COL14A1: variants seen among roughly 807,000 people sequenced by gnomAD.
The protein encoded by COL14A1 is collagen type XIV alpha 1 chain.
A neutral mutation model predicts 230.3 loss-of-function variants in COL14A1; 136 were observed. The observed-to-expected ratio is 0.59, with a 90% CI of 0.51 to 0.68. The LOEUF is 0.68. Ranked by LOEUF, COL14A1 falls within the 30% of genes least tolerant of loss-of-function variation. The pLI is 0.00. For missense variants in COL14A1, 1,976 were observed against 2,215.8 expected, an observed-to-expected ratio of 0.89 and a Z score of 2.17; for synonymous variants, 792 against 784.1, an observed-to-expected ratio of 1.01 and a Z score of -0.17.
At chr8:120,193,307 T>A (rs537611813) in intron 5 of COL14A1, among the ~76,000 whole-genome samples, 5 of 152,186 alleles carry the variant, frequency 3.3e-5, no homozygotes, top group Non-Finnish European at 7.3e-5. Flanking sequence ...TTGCTAGAGG[T>A]CCACTCCAGA....
In COL14A1 at chr8:120,196,950, T is replaced by A. The variant is rs1367982233; in HGVS notation, c.592+4T>A. ...GGCTCAGAGAAGACACGAATTGGTA[T>A]AATTTCTATTATTAGCAGTAGCAGT... On this transcript the variant is annotated splice_donor_region_variant and intron_variant, in intron 6 of 47. Transcript: ENST00000297848. 1.2e-6 allele frequency: 2 copies of A among 1,613,250 alleles called. No homozygotes were observed. Among genetic ancestry groups the A allele is most frequent in the Non-Finnish European group, 1.7e-6 (2 of 1,179,700 alleles).
chr8:120,248,630 G>A (rs111953360), intron 21 of COL14A1, among the ~76,000 whole-genome samples: 20,868 of 152,150 alleles, frequency 0.14, 1,652 homozygotes, highest in Non-Finnish European at 0.18. Context: ...GCTGAGGAGG[G>A]TGGATTGCTT....
intron 23 of COL14A1, among the ~76,000 whole-genome samples, chr8:120,261,866 T>G (rs1259583237): frequency 6.6e-6 from 1 of 152,168 alleles, no homozygotes; most frequent in Non-Finnish European, 1.5e-5. Flanking sequence ...TGGGAATGTC[T>G]TTTGCAATTG....
At chr8:120,125,976 G>A (rs1316394286) in intron 1 of COL14A1, among the ~76,000 whole-genome samples, 3 of 152,190 alleles carry the variant, frequency 2.0e-5, no homozygotes, top group Non-Finnish European at 4.4e-5. Context: ...TCTCTGCGCC[G>A]GGAGGCTGGG....
intron 4 of COL14A1, among the ~76,000 whole-genome samples, chr8:120,163,282 A>G (rs929907173): frequency 2.0e-5 from 3 of 152,190 alleles, no homozygotes; most frequent in Non-Finnish European, 4.4e-5. Context: ...CTGCCCGAGT[A>G]ATGGGCTGTG....
At chr8:120,345,607 T>G in intron 45 of COL14A1, 44 bp downstream of exon 45, 1 of 1,449,500 alleles carries the variant, frequency 6.9e-7, no homozygotes, top group Non-Finnish European at 9.1e-7. Context: ...CTGAGTTGGG[T>G]GCAGGGAAGC....
intron 4 of COL14A1, among the ~76,000 whole-genome samples, chr8:120,166,867 A>G (rs2130569343): frequency 7.7e-6 from 1 of 130,416 alleles, no homozygotes; most frequent in South Asian, 2.7e-4. Context: ...GAGAAAGAAA[A>G]GAATTTAAGT....
chr8:120,283,682 C>G lies in COL14A1; in HGVS notation c.3871C>G (p.Leu1291Val). 2 of 1,613,772 alleles carry G rather than the reference C, an allele frequency of 1.2e-6. No individual in the cohort carries two copies. The highest frequency in any genetic ancestry group is 1.7e-6 in the Non-Finnish European group (2 of 1,179,872). ...GLPSDYTISF[L>V]FRILPDTPQE... ...GCCCTCCGACTACACAATCAGTTTT[C>G]TATTCCGGATTCTTCCTGACACTCC... Residue 1291 changes from leucine to valine, a missense_variant, in exon 32 of 48, where the codon CTA becomes GTA. By Grantham distance (32) the Leu-to-Val change is conservative (BLOSUM62 1). Around this residue, in one of 3 missense-constraint regions of COL14A1, gnomAD observed 1,791 missense variants for 2,019.5 expected, o/e 0.89. Coordinates refer to ENST00000297848, the MANE Select transcript of COL14A1 (RefSeq NM_021110.4).
At chr8:120,304,536 A>T (rs1820803555) in intron 36 of COL14A1, among the ~76,000 whole-genome samples, 1 of 152,218 alleles carries the variant, frequency 6.6e-6, no homozygotes, top group South Asian at 2.1e-4. Context: ...TCAAAATATT[A>T]GAACTGTTGT....
chr8:120,298,255 C>G (rs1820589127), intron 35 of COL14A1, among the ~76,000 whole-genome samples: 1 of 151,920 alleles, frequency 6.6e-6, no homozygotes, highest in Non-Finnish European at 1.5e-5. Context: ...TTGAGCCTGT[C>G]ATTCACACGA....
At chr8:120,184,517 A>T (rs1454010064) in intron 5 of COL14A1, among the ~76,000 whole-genome samples, 1 of 152,076 alleles carries the variant, frequency 6.6e-6, no homozygotes, top group East Asian at 1.9e-4. Context: ...CGCCTCCCAA[A>T]GTGCTGGGAT....
chr8:120,167,825 T>C (rs984564529), intron 4 of COL14A1, among the ~76,000 whole-genome samples: 3 of 152,324 alleles, frequency 2.0e-5, no homozygotes, highest in African/African-American at 7.2e-5. Context: ...TTTTATGAGA[T>C]AGGTGTTAGC....
intron 34 of COL14A1, among the ~76,000 whole-genome samples, chr8:120,292,683 G>A (rs748106614): frequency 1.3e-5 from 2 of 152,070 alleles, no homozygotes; most frequent in Non-Finnish European, 2.9e-5. Flanking sequence ...TGTATGTTGT[G>A]CAAATTCTGG....
intron 5 of COL14A1, among the ~76,000 whole-genome samples, chr8:120,177,007 A>G (rs1816303978): frequency 6.6e-6 from 1 of 152,266 alleles, no homozygotes; most frequent in East Asian, 1.9e-4. Context: ...GCCACTCTGT[A>G]TATGTCTGTG....
At chr8:120,127,048 AC>A (rs2130360999) in intron 1 of COL14A1, among the ~76,000 whole-genome samples, 1 of 152,230 alleles carries the variant, frequency 6.6e-6, no homozygotes, top group Non-Finnish European at 1.5e-5. Flanking sequence ...ATATTTTAGC[AC>A]CCCAAAAAGA....
intron 37 of COL14A1, among the ~76,000 whole-genome samples, chr8:120,310,796 A>G (rs1170754768): frequency 6.6e-6 from 1 of 152,180 alleles, no homozygotes; most frequent in Non-Finnish European, 1.5e-5. Flanking sequence ...ATGCTGGATC[A>G]TATCATACTT....
intron 1 of COL14A1, among the ~76,000 whole-genome samples, chr8:120,135,194 C>G (rs1639010237): frequency 6.6e-6 from 1 of 152,070 alleles, no homozygotes. Context: ...GAAAAATAGA[C>G]ACATATACTT....
At position 120,206,950 on chromosome 8, in the gene COL14A1, C is replaced by T; in HGVS notation, c.1047C>T (p.Ala349=). The change falls in exon 10 of 48, where the codon GCC becomes GCT. Residue 349 remains alanine, a synonymous_variant. Transcript: ENST00000297848. ...TATGTTTTTTTAATTTAGCCTCAGC[C>T]CATGCCATCACTGGGCCGCCTACGG... ...EEQDREIKAS[A]HAITGPPTEL... 1 of 1,608,526 alleles carries T rather than the reference C, an allele frequency of 6.2e-7. No homozygotes were observed. Among genetic ancestry groups the T allele is most frequent in the South Asian group, 1.1e-5 (1 of 89,590 alleles).
chr8:120,302,287 G>A (rs891052571), intron 36 of COL14A1, among the ~76,000 whole-genome samples: 3 of 151,024 alleles, frequency 2.0e-5, no homozygotes, highest in African/African-American at 7.4e-5. Flanking sequence ...TGCTTTTGAT[G>A]TCTTCTTTGT....
Sources: gnomAD v4.1 joint callset for allele counts (sites outside exome capture counted in the v4.1 genomes callset) on GRCh38, gnomAD v4.1.1 for gene constraint, gnomAD v4.1.1 regional missense constraint, MANE v1.5 for transcripts, NCBI Gene and HGNC (gene_info 2026-07-23, HGNC 2026-07-21) for gene names.